The following GPR158 variants were observed in gnomAD, a reference collection of about 807,000 sequenced individuals.
GPR158 encodes metabotropic glycine receptor.
A neutral mutation model predicts 78.2 loss-of-function variants in GPR158; 30 were observed. The observed-to-expected ratio is 0.38, with a 90% CI of 0.29 to 0.52. The LOEUF is 0.52. Ranked by LOEUF, GPR158 falls within the 20% of genes least tolerant of loss-of-function variation. The probability of loss-of-function intolerance (pLI) is 0.83; values close to 1 mark genes in which losing one functional copy is unlikely to be tolerated. For missense variants in GPR158, 1,463 were observed against 1,523.5 expected (o/e 0.96, Z 0.66); for synonymous variants, 581 against 591.1 (o/e 0.98, Z 0.25).
chr10:25,343,487 C>T (rs1855331910), intron 2 of GPR158, among the ~76,000 whole-genome samples: 1 of 151,898 alleles, frequency 6.6e-6, no homozygotes, highest in Non-Finnish European at 1.5e-5. Flanking sequence ...AATTTTATAC[C>T]ACATGACTTA....
At chr10:25,575,737 C>T (rs1027527721) in intron 7 of GPR158, among the ~76,000 whole-genome samples, 1 of 151,836 alleles carries the variant, frequency 6.6e-6, no homozygotes, top group African/African-American at 2.4e-5. Context: ...ATTTCAAATC[C>T]TCTTTTCATA....
intron 2 of GPR158, among the ~76,000 whole-genome samples, chr10:25,350,296 A>C (rs1000453349): frequency 3.3e-5 from 5 of 152,052 alleles, no homozygotes; most frequent in Non-Finnish European, 7.4e-5. Flanking sequence ...AATGAAATAG[A>C]CTAATGGTCA....
intron 4 of GPR158, among the ~76,000 whole-genome samples, chr10:25,454,433 A>G (rs1835264775): frequency 1.3e-5 from 2 of 152,194 alleles, no homozygotes; most frequent in South Asian, 4.1e-4. Flanking sequence ...CGTGGAAGAA[A>G]TTGAAAGTTA....
intron 2 of GPR158, among the ~76,000 whole-genome samples, chr10:25,229,270 G>C (rs1477196603): frequency 1.3e-5 from 2 of 152,084 alleles, no homozygotes; most frequent in African/African-American, 4.8e-5. Flanking sequence ...GCTATATTTA[G>C]GGACTCCCTT....
At chr10:25,490,910 C>G (rs908866920) in intron 5 of GPR158, among the ~76,000 whole-genome samples, 7 of 152,062 alleles carry the variant, frequency 4.6e-5, no homozygotes, top group Admixed American at 3.9e-4. Context: ...AGTACTACTT[C>G]TAAACATATA....
At chr10:25,433,869 A>G (rs1834959037) in intron 4 of GPR158, among the ~76,000 whole-genome samples, 1 of 151,474 alleles carries the variant, frequency 6.6e-6, no homozygotes, top group African/African-American at 2.4e-5. Flanking sequence ...TAAGAATATC[A>G]TTTAAATTGG....
intron 2 of GPR158, among the ~76,000 whole-genome samples, chr10:25,239,836 T>C (rs543569428): frequency 6.1e-4 from 93 of 152,280 alleles, no homozygotes; most frequent in African/African-American, 2.1e-3. Context: ...AAGCCAATAA[T>C]ATACCAGGCA....
At chr10:25,294,950 A>G (rs565200620) in intron 2 of GPR158, among the ~76,000 whole-genome samples, 1 of 152,372 alleles carries the variant, frequency 6.6e-6, no homozygotes, top group African/African-American at 2.4e-5. Context: ...GAGAAGAATC[A>G]TTAACACCTG....
At chr10:25,432,258 A>C (rs1487982788) in intron 4 of GPR158, among the ~76,000 whole-genome samples, 1 of 146,730 alleles carries the variant, frequency 6.8e-6, no homozygotes, top group Non-Finnish European at 1.5e-5. Flanking sequence ...ATAAATGCAA[A>C]TTAAAGCAAT....
intron 3 of GPR158, among the ~76,000 whole-genome samples, chr10:25,399,891 A>G (rs1195839312): frequency 6.6e-6 from 1 of 152,208 alleles, no homozygotes; most frequent in Non-Finnish European, 1.5e-5. Context: ...TTGATGAGGT[A>G]TCTGTGAGAT....
chr10:25,196,229 T>A (rs955985141), intron 1 of GPR158, among the ~76,000 whole-genome samples: 2 of 149,474 alleles, frequency 1.3e-5, no homozygotes, highest in African/African-American at 4.9e-5. Flanking sequence ...TTTTCTCCTT[T>A]AAAAAAAAAA....
Position 25,206,715 on chromosome 10 carries a change from C to T in GPR158, c.903-14337C>T, listed in dbSNP as rs192753614. 2.0e-3 allele frequency among the ~76,000 whole-genome samples: 304 copies of T among 152,020 alleles called. 2 individuals are homozygous for T. The highest frequency in any genetic ancestry group is 5.1e-4 in the Non-Finnish European group (35 of 67,994). On this transcript the variant is annotated intron_variant, in intron 1 of 10. Coordinates refer to ENST00000376351, the MANE Select transcript of GPR158 (RefSeq NM_020752.3). ...ACTTCTGTAGCACTATTCTTACTGGCTGCCTATTATGTACATGTATTCAAG... is the reference window on the plus strand; with the variant it reads ...ACTTCTGTAGCACTATTCTTACTGGTTGCCTATTATGTACATGTATTCAAG...
intron 2 of GPR158, among the ~76,000 whole-genome samples, chr10:25,353,785 G>A (rs1238524701): frequency 2.0e-5 from 3 of 152,000 alleles, no homozygotes; most frequent in African/African-American, 4.8e-5. Context: ...GCATATAATT[G>A]GCTCTTGTTT....
intron 1 of GPR158, among the ~76,000 whole-genome samples, chr10:25,194,950 G>T (rs1459373601): frequency 6.6e-6 from 1 of 151,864 alleles, no homozygotes; most frequent in Non-Finnish European, 1.5e-5. Flanking sequence ...TAGAGTAAAA[G>T]AATTCTCTGC....
At chr10:25,375,168 T>C (rs1834058623) in intron 2 of GPR158, among the ~76,000 whole-genome samples, 2 of 151,736 alleles carry the variant, frequency 1.3e-5, no homozygotes. Context: ...CATGTACTTA[T>C]TTTTCATAAG....
intron 4 of GPR158, among the ~76,000 whole-genome samples, chr10:25,453,763 T>C (rs574543169): frequency 6.6e-6 from 1 of 152,334 alleles, no homozygotes; most frequent in Admixed American, 6.5e-5. Flanking sequence ...ATTTCTGGGC[T>C]CTCAATTCTG....
chr10:25,332,118 G>GC (rs995165050), intron 2 of GPR158, among the ~76,000 whole-genome samples: 1 of 151,930 alleles, frequency 6.6e-6, no homozygotes, highest in African/African-American at 2.4e-5. Flanking sequence ...ATCACCTGGG[G>GC]GGGGGCGAAT....
chr10:25,564,322 C>T (rs557200200), intron 6 of GPR158, among the ~76,000 whole-genome samples: 12 of 152,236 alleles, frequency 7.9e-5, no homozygotes, highest in Admixed American at 7.2e-4. Flanking sequence ...ATGTTCCAGG[C>T]TTCTAGATTC....
intron 4 of GPR158, among the ~76,000 whole-genome samples, chr10:25,419,871 C>G (rs1385712190): frequency 6.6e-6 from 1 of 152,122 alleles, no homozygotes; most frequent in Non-Finnish European, 1.5e-5. Context: ...TTATGGTTCA[C>G]TCTTGATGTT....
Sources: gnomAD v4.1 joint callset for allele counts (sites outside exome capture counted in the v4.1 genomes callset) on GRCh38, gnomAD v4.1.1 for gene constraint, MANE v1.5 for transcripts, NCBI Gene and HGNC (gene_info 2026-07-23, HGNC 2026-07-21) for gene names.